The following PLXDC2 variants were observed in gnomAD, a reference collection of about 807,000 sequenced individuals.
The protein encoded by PLXDC2 is plexin domain-containing protein 2.
Under a neutral mutation model 68.9 loss-of-function variants are expected in PLXDC2, and 40 were observed. That is an observed-to-expected ratio of 0.58 (90% CI 0.45 to 0.76). The LOEUF is 0.76. Ranked by LOEUF, PLXDC2 falls within the 30% of genes least tolerant of loss-of-function variation. The pLI is 0.00. For synonymous variants in PLXDC2, 243 were observed against 234.2 expected (o/e 1.04, Z -0.34); for missense variants, 644 against 661.9 (o/e 0.97, Z 0.30).
intron 1 of PLXDC2, among the ~76,000 whole-genome samples, chr10:19,834,354 A>AGAGAGAGAGAGAGAGAGT (rs376125037): frequency 6.8e-6 from 1 of 147,668 alleles, no homozygotes; most frequent in Non-Finnish European, 1.5e-5. Context: ...AGAGAGAGAG[A>AGAGAGAGAGAGAGAGAGT]GTGTGTGTGT....
At chr10:19,966,795 G>C (rs1186703740) in intron 1 of PLXDC2, among the ~76,000 whole-genome samples, 1 of 132,116 alleles carries the variant, frequency 7.6e-6, no homozygotes, top group African/African-American at 2.7e-5. Context: ...GGAAGAGAAC[G>C]GTTCGCGTTA....
At chr10:19,940,548 CA>C (rs10682522) in intron 1 of PLXDC2, among the ~76,000 whole-genome samples, 198 of 113,578 alleles carry the variant, frequency 1.7e-3, no homozygotes, top group Middle Eastern at 4.8e-3. Flanking sequence ...TTTGATTGTG[CA>C]AAAAAAAAAA....
chr10:19,817,033 C>T lies in PLXDC2; in HGVS notation c.-47C>T. On this transcript the variant is annotated 5_prime_UTR_variant, in exon 1 of 14. Coordinates refer to ENST00000377252, the MANE Select transcript of PLXDC2 (RefSeq NM_032812.9). ...GCCTATTGCATCGGGAGCCCCCGAG[C>T]ACCGGCGAAGGACTGGCGGGTGGGG... 1.4e-6 allele frequency: 2 copies of T among 1,441,524 alleles called. No homozygotes were observed. Among genetic ancestry groups the T allele is most frequent in the Non-Finnish European group, 1.9e-6 (2 of 1,055,294 alleles). 89.3% of individuals were successfully genotyped at this position (1,441,524 alleles called of 1,614,324 possible).
chr10:19,823,762 G>T (rs1836523650), intron 1 of PLXDC2, among the ~76,000 whole-genome samples: 1 of 152,148 alleles, frequency 6.6e-6, no homozygotes, highest in East Asian at 1.9e-4. Context: ...CGAGACAGGG[G>T]GATTGCTTGA....
intron 4 of PLXDC2, among the ~76,000 whole-genome samples, chr10:20,090,506 A>C (rs541233700): frequency 6.6e-6 from 1 of 152,226 alleles, no homozygotes; most frequent in East Asian, 1.9e-4. Flanking sequence ...CATATATTTA[A>C]ACTTATTTTT....
chr10:19,864,193 T>G (rs1041330480), intron 1 of PLXDC2, among the ~76,000 whole-genome samples: 1 of 152,108 alleles, frequency 6.6e-6, no homozygotes, highest in Admixed American at 6.6e-5. Flanking sequence ...TTTGTAGAGA[T>G]AGGGTTCTCA....
intron 4 of PLXDC2, among the ~76,000 whole-genome samples, chr10:20,128,914 T>C (rs1833828420): frequency 6.6e-6 from 1 of 152,216 alleles, no homozygotes; most frequent in African/African-American, 2.4e-5. Context: ...TCCTATATCT[T>C]GGCCATTGTG....
At chr10:19,899,593 A>G (rs1199715450) in intron 1 of PLXDC2, among the ~76,000 whole-genome samples, 1 of 152,242 alleles carries the variant, frequency 6.6e-6, no homozygotes, top group African/African-American at 2.4e-5. Context: ...AAAAGGATCA[A>G]TAGTTTGCTA....
At chr10:20,179,378 A>G (rs1834571816) in intron 9 of PLXDC2, among the ~76,000 whole-genome samples, 1 of 152,044 alleles carries the variant, frequency 6.6e-6, no homozygotes, top group Non-Finnish European at 1.5e-5. Flanking sequence ...CATACCTGGG[A>G]CTGCAGAAAA....
intron 9 of PLXDC2, among the ~76,000 whole-genome samples, chr10:20,210,898 G>T (rs1554775017): frequency 6.6e-6 from 1 of 152,100 alleles, no homozygotes; most frequent in Non-Finnish European, 1.5e-5. Context: ...TTTATTAAGG[G>T]TTCATTCATC....
At chr10:20,102,584 G>A (rs7898651) in intron 4 of PLXDC2, among the ~76,000 whole-genome samples, 33,228 of 152,068 alleles carry the variant, frequency 0.22, 4,891 homozygotes, top group East Asian at 0.41. Flanking sequence ...TATGTAAGGG[G>A]TACGAGAAAA....
In PLXDC2 at chr10:20,284,289, G is replaced by A. The variant is rs920484480; in HGVS notation, c.*4470G>A. The A allele has an allele frequency of 7.2e-6, 1 of 138,308 alleles. No individual in the cohort carries two copies. The highest frequency in any genetic ancestry group is 1.6e-5 in the Non-Finnish European group (1 of 63,858). The allele number at this position is 138,308 out of a possible 1,614,324, so 8.6% of individuals were successfully genotyped here. A position where few individuals can be genotyped will look rare whatever the true frequency, so the allele number is the denominator to read the frequency against. On this transcript the variant is annotated 3_prime_UTR_variant, in exon 14 of 14. Coordinates refer to ENST00000377252, the MANE Select transcript of PLXDC2 (RefSeq NM_032812.9). ...GCAGATCCAGCCTGGACAACATAGT[G>A]AGACCCATCTCTATCAAATATACAT...
intron 13 of PLXDC2, among the ~76,000 whole-genome samples, chr10:20,277,651 T>C (rs1016829439): frequency 6.6e-6 from 1 of 152,322 alleles, no homozygotes; most frequent in South Asian, 2.1e-4. Flanking sequence ...GTTGTTACTC[T>C]TTGCTTGGCG....
chr10:19,847,925 C>T (rs1162794843), intron 1 of PLXDC2, among the ~76,000 whole-genome samples: 1 of 152,142 alleles, frequency 6.6e-6, no homozygotes, highest in Non-Finnish European at 1.5e-5. Context: ...GTGTGCCTAA[C>T]CATAGAACTA....
chr10:20,172,640 G>T (rs1834463814), intron 7 of PLXDC2, among the ~76,000 whole-genome samples: 1 of 152,110 alleles, frequency 6.6e-6, no homozygotes, highest in South Asian at 2.1e-4. Flanking sequence ...TTCAAGTCCA[G>T]GGCAAAGTAA....
At chr10:19,819,028 G>T (rs1294091831) in intron 1 of PLXDC2, among the ~76,000 whole-genome samples, 8 of 85,986 alleles carry the variant, frequency 9.3e-5, no homozygotes, top group South Asian at 3.5e-4. Context: ...AAGAATATAT[G>T]TATACACACA....
At chr10:20,012,416 C>G (rs1272531594) in intron 2 of PLXDC2, among the ~76,000 whole-genome samples, 1 of 140,908 alleles carries the variant, frequency 7.1e-6, no homozygotes, top group East Asian at 2.2e-4. Flanking sequence ...CTTCCAGGTT[C>G]AAGCGATTCT....
chr10:19,852,811 A>G (rs1837147449), intron 1 of PLXDC2, among the ~76,000 whole-genome samples: 1 of 152,216 alleles, frequency 6.6e-6, no homozygotes, highest in East Asian at 1.9e-4. Context: ...TTCTGAGGTG[A>G]GAACGTTACC....
At chr10:20,177,961 A>G (rs961489190) in intron 9 of PLXDC2, among the ~76,000 whole-genome samples, 3 of 152,134 alleles carry the variant, frequency 2.0e-5, no homozygotes, top group African/African-American at 7.2e-5. Flanking sequence ...ACATATATTT[A>G]TAATTCTCTG....
Sources: allele counts gnomAD v4.1 joint callset (sites outside exome capture counted in the v4.1 genomes callset), GRCh38; gene constraint gnomAD v4.1.1; transcripts MANE v1.5; gene names NCBI Gene and HGNC (gene_info 2026-07-23, HGNC 2026-07-21).